Variants in ADAP2 observed in about 807,000 individuals in gnomAD.
ADAP2 encodes the protein ArfGAP with dual PH domains 2.
ADAP2 carries 42 observed loss-of-function variants against 54.9 expected under a neutral mutation model. The ratio of observed to expected loss-of-function variants is 0.77; its 90% confidence interval spans 0.60 to 0.99. ADAP2 has a LOEUF of 0.99. ADAP2 is among the 50% of genes least tolerant of loss of function. ADAP2 has a pLI of 0.00. For synonymous variants in ADAP2, 177 were observed against 180.1 expected (o/e 0.98, Z 0.14); for missense variants, 429 against 480.4 (o/e 0.89, Z 1.00).
rs1028329837 is a variant in ADAP2, at chr17:30,939,551, C to T, written c.510+5254C>T. Among the ~76,000 whole-genome samples the T allele has an allele frequency of 6.6e-5, 10 of 151,784 alleles. 1 individual carries two copies. Among genetic ancestry groups the T allele is most frequent in the Admixed American group, 6.6e-4 (10 of 15,218 alleles). On this transcript the variant is annotated intron_variant, in intron 5 of 10. Transcript: ENST00000330889. ...CTTTGGGAGGCCGAGGCAGGCAGAT[C>T]ACGAGGTCAGGAGATTGAGACCATC...
At chr17:30,930,989 T>G (rs1173256396) in intron 3 of ADAP2, among the ~76,000 whole-genome samples, 1 of 151,696 alleles carries the variant, frequency 6.6e-6, no homozygotes, top group East Asian at 1.9e-4. Context: ...TTCAGAGGAG[T>G]TGGGTAACTT....
rs149393526 is a variant in ADAP2 at position 30,944,931 on chromosome 17, A to C, written c.535A>C (p.Ser179Arg). The C allele has an allele frequency of 2.5e-5, 41 of 1,614,068 alleles. No homozygotes were observed. In the African/African-American group the frequency reaches 4.9e-4, roughly 19 times the overall value. ...GGGTAAAAGCCCCAAAGCTGTCATC[A>C]GCATTAAGGACTTGAATGCCACCTT... ...EQGKSPKAVI[S>R]IKDLNATFQT... Residue 179 changes from serine to arginine, a missense_variant, in exon 6 of 11, where the codon AGC (serine) becomes CGC (arginine). By Grantham distance (110) the Ser-to-Arg change is moderately radical. Coordinates refer to ENST00000330889, the MANE Select transcript of ADAP2 (RefSeq NM_018404.3).
Position 30,922,931 on chromosome 17 carries a change from C to T in ADAP2, c.95-9C>T. On this transcript the variant is annotated splice_polypyrimidine_tract_variant and intron_variant, in intron 1 of 10. Transcript: ENST00000330889. ...CCGCTCAGCTCCTCTCCTGCCTCAT[C>T]CCCTGCAGATCCCGACTGGGCCTCT... is the stretch of plus-strand genomic sequence containing the variant. 1 of 1,613,422 alleles carries T rather than the reference C, an allele frequency of 6.2e-7. No individual in the cohort carries two copies. Among genetic ancestry groups the T allele is most frequent in the Non-Finnish European group, 8.5e-7 (1 of 1,179,842 alleles).
intron 3 of ADAP2, among the ~76,000 whole-genome samples, chr17:30,930,249 T>G (rs577709292): frequency 6.6e-6 from 1 of 151,808 alleles, no homozygotes; most frequent in African/African-American, 2.4e-5. Flanking sequence ...TTTTTGTATT[T>G]TTGGTAGAGC....
At chr17:30,952,189 G>A (rs559477470) in intron 7 of ADAP2, among the ~76,000 whole-genome samples, 104 of 152,274 alleles carry the variant, frequency 6.8e-4, no homozygotes, top group Admixed American at 2.2e-3. Context: ...TGCCAGGCTG[G>A]AAGGGATGCT....
At chr17:30,949,244 C>A in intron 6 of ADAP2, 43 bp from the exon 7 acceptor site, 1 of 1,555,998 alleles carries the variant, frequency 6.4e-7, no homozygotes. Context: ...CCACCCACCC[C>A]ATCTCACTGC....
chr17:30,957,574 C>T (rs776803457), intron 10 of ADAP2, among the ~76,000 whole-genome samples: 1 of 151,988 alleles, frequency 6.6e-6, no homozygotes, highest in Non-Finnish European at 1.5e-5. Flanking sequence ...ACTACAGGCT[C>T]GTGACACCAC....
chr17:30,955,185 T>C (rs1904974645), intron 9 of ADAP2, among the ~76,000 whole-genome samples: 2 of 151,788 alleles, frequency 1.3e-5, no homozygotes, highest in African/African-American at 4.8e-5. Flanking sequence ...TCACAGCTCA[T>C]TGCAACCTTG....
intron 5 of ADAP2, among the ~76,000 whole-genome samples, chr17:30,942,974 G>A (rs927524254): frequency 2.0e-5 from 3 of 152,244 alleles, no homozygotes; most frequent in African/African-American, 4.8e-5. Flanking sequence ...TTCAGCCACG[G>A]TAGAAAGCAG....
intron 7 of ADAP2, among the ~76,000 whole-genome samples, chr17:30,952,196 T>G (rs1454726864): frequency 6.6e-6 from 1 of 152,144 alleles, no homozygotes; most frequent in Non-Finnish European, 1.5e-5. Context: ...CTGGAAGGGA[T>G]GCTGGGGATC....
At chr17:30,951,717 G>A (rs1275764699) in intron 7 of ADAP2, among the ~76,000 whole-genome samples, 2 of 146,266 alleles carry the variant, frequency 1.4e-5, no homozygotes, top group Non-Finnish European at 3.0e-5. Context: ...GTGCAGTGGC[G>A]CCATCTTGGC....
chr17:30,935,094 T>A (rs1205115981), intron 5 of ADAP2, among the ~76,000 whole-genome samples: 1 of 151,974 alleles, frequency 6.6e-6, no homozygotes, highest in Non-Finnish European at 1.5e-5. Context: ...AAACCGGGCA[T>A]GGTGGCTCAT....
chr17:30,935,552 G>A (rs757645882), intron 5 of ADAP2, among the ~76,000 whole-genome samples: 30 of 152,050 alleles, frequency 2.0e-4, no homozygotes, highest in Non-Finnish European at 4.3e-4. Context: ...TAGAAGAAAG[G>A]GGAGGAACAG....
chr17:30,924,967 G>A (rs777910387), intron 2 of ADAP2, among the ~76,000 whole-genome samples: 1 of 151,410 alleles, frequency 6.6e-6, no homozygotes, highest in East Asian at 1.9e-4. Flanking sequence ...CTGCCTCTGG[G>A]GTTCAAGCGA....
chr17:30,922,002 C>G lies in ADAP2; in HGVS notation c.-13C>G, dbSNP rs1188278926. ...GCCATGGGCTGAGCCCCGCTGAGCC[C>G]GCCGGGCCGGCCATGGGCGATCGCG... On this transcript the variant is annotated 5_prime_UTR_variant, in exon 1 of 11. Transcript: ENST00000330889. The G allele has an allele frequency of 1.1e-5, 14 of 1,267,780 alleles. No individual in the cohort carries two copies. Among genetic ancestry groups the G allele is most frequent in the Non-Finnish European group, 1.3e-5 (13 of 1,010,388 alleles). The allele number at this position is 1,267,780 out of a possible 1,614,324, so 78.5% of individuals were successfully genotyped here.
At chr17:30,926,992 G>T (rs985090199) in intron 3 of ADAP2, 74 bp downstream of exon 3, 3 of 1,204,042 alleles carry the variant, frequency 2.5e-6, no homozygotes, top group Non-Finnish European at 3.7e-6. Flanking sequence ...TCCATCTTTG[G>T]TGTCTTCATC....
At chr17:30,947,382 C>G (rs1912752975) in intron 6 of ADAP2, among the ~76,000 whole-genome samples, 1 of 152,060 alleles carries the variant, frequency 6.6e-6, no homozygotes, top group African/African-American at 2.4e-5. Context: ...GAGACAGAGT[C>G]TCGCTCTGTC....
chr17:30,943,484 G>A (rs1912420384), intron 5 of ADAP2, among the ~76,000 whole-genome samples: 1 of 152,160 alleles, frequency 6.6e-6, no homozygotes. Context: ...CGGCCCAGAT[G>A]CCCATCAATG....
At chr17:30,937,984 T>A (rs1912010494) in intron 5 of ADAP2, among the ~76,000 whole-genome samples, 2 of 151,858 alleles carry the variant, frequency 1.3e-5, no homozygotes, top group South Asian at 4.2e-4. Context: ...TTGGAGAGAG[T>A]TTGGAACTGG....
Sources: allele counts gnomAD v4.1 joint callset (sites outside exome capture counted in the v4.1 genomes callset), GRCh38; gene constraint gnomAD v4.1.1; transcripts MANE v1.5; gene names NCBI Gene and HGNC (gene_info 2026-07-23, HGNC 2026-07-21).